TBCK: variants seen among roughly 807,000 people sequenced by gnomAD.
TBCK encodes TBC domain-containing protein kinase-like protein.
A neutral mutation model predicts 113.4 loss-of-function variants in TBCK; 99 were observed. The ratio of observed to expected loss-of-function variants is 0.87; its 90% CI spans 0.74 to 1.03. The LOEUF (loss-of-function observed/expected upper bound fraction) is 1.03, where lower values mean the gene tolerates loss of function less well. Among genes scored for constraint, TBCK ranks in the 50% least tolerant of loss-of-function variants. The pLI is 0.00. For synonymous variants in TBCK, 369 were observed against 370.8 expected (o/e 1.00, Z 0.05); for missense variants, 1,045 against 1,061.3 (o/e 0.98, Z 0.21).
At chr4:106,220,328 T>G (rs533817455) in intron 19 of TBCK, among the ~76,000 whole-genome samples, 8 of 152,332 alleles carry the variant, frequency 5.3e-5, no homozygotes, top group African/African-American at 1.4e-4. Flanking sequence ...GCCGCTGCCA[T>G]GTAAGAAGTG....
chr4:106,143,501 C>T (rs1747377623), intron 23 of TBCK, among the ~76,000 whole-genome samples: 1 of 152,156 alleles, frequency 6.6e-6, no homozygotes, highest in African/African-American at 2.4e-5. Flanking sequence ...AATATAGTGG[C>T]AAATTACCAT....
At chr4:106,093,953 T>C (rs987755059) in intron 25 of TBCK, among the ~76,000 whole-genome samples, 13 of 152,310 alleles carry the variant, frequency 8.5e-5, no homozygotes, top group African/African-American at 2.9e-4. Flanking sequence ...GTAACAAATG[T>C]ACCACTCTGA....
intron 2 of TBCK, among the ~76,000 whole-genome samples, chr4:106,301,935 A>G (rs1321569460): frequency 6.6e-6 from 1 of 152,210 alleles, no homozygotes; most frequent in Non-Finnish European, 1.5e-5. Flanking sequence ...TTCACTAAGG[A>G]GACTGTTCAT....
At chr4:106,217,716 A>G (rs963113126) in intron 19 of TBCK, among the ~76,000 whole-genome samples, 25 of 150,728 alleles carry the variant, frequency 1.7e-4, no homozygotes, top group African/African-American at 6.0e-4. Context: ...AGGAAATCAA[A>G]GAGGATACAA....
intron 23 of TBCK, among the ~76,000 whole-genome samples, chr4:106,139,324 C>T (rs1746917913): frequency 7.1e-6 from 1 of 141,690 alleles, no homozygotes; most frequent in South Asian, 2.4e-4. Context: ...ACTGTTATTG[C>T]CATGATTGAT....
At chr4:106,306,716 T>C (rs1225800438) in intron 2 of TBCK, among the ~76,000 whole-genome samples, 3 of 152,190 alleles carry the variant, frequency 2.0e-5, no homozygotes, top group African/African-American at 7.2e-5. Context: ...TTATTACTTT[T>C]GCTTCAAAGC....
intron 2 of TBCK, among the ~76,000 whole-genome samples, chr4:106,306,880 C>T (rs1349570485): frequency 6.6e-6 from 1 of 152,140 alleles, no homozygotes; most frequent in African/African-American, 2.4e-5. Context: ...TCAAAGTCAA[C>T]CTTGAACAGT....
At position 106,095,641 on chromosome 4, in the gene TBCK, G is replaced by A; in HGVS notation, c.2412C>T (p.Asp804=). 6.2e-7 allele frequency: 1 copy of A among 1,612,040 alleles called. No homozygotes were observed. Among genetic ancestry groups the A allele is most frequent in the Non-Finnish European group, 8.5e-7 (1 of 1,179,134 alleles). The change falls in exon 25 of 26, where the codon GAC becomes GAT. Residue 804 remains aspartate (D), a splice_region_variant and synonymous_variant. Coordinates refer to ENST00000394708, the MANE Select transcript of TBCK (RefSeq NM_001163435.3). Reference sequence around the variant, plus strand: ...TTCCTGAAATGTGACCACGAATAAAGCTGAGAAGGAAAGTTTAAGGAAAAC... The same window carrying A: ...TTCCTGAAATGTGACCACGAATAAAACTGAGAAGGAAAGTTTAAGGAAAAC... ...LLVVDIRNSE[D]FIRGHISGSI...
At chr4:106,248,494 A>G (rs1283702510) in intron 8 of TBCK, among the ~76,000 whole-genome samples, 188 bp from the exon 9 acceptor site, 2 of 152,190 alleles carry the variant, frequency 1.3e-5, no homozygotes, top group African/African-American at 4.8e-5. Flanking sequence ...ATAGCTTCCA[A>G]CTGGATCCCA....
At chr4:106,281,627 T>C (rs1764605351) in intron 3 of TBCK, among the ~76,000 whole-genome samples, 1 of 152,006 alleles carries the variant, frequency 6.6e-6, no homozygotes, top group Non-Finnish European at 1.5e-5. Context: ...CCATGAAGGG[T>C]TGTGGAATTT....
chr4:106,165,066 CA>C (rs753506787), intron 23 of TBCK, among the ~76,000 whole-genome samples: 5 of 151,502 alleles, frequency 3.3e-5, no homozygotes, highest in Admixed American at 6.6e-5. Context: ...AATTATTGCT[CA>C]TTTACATACT....
chr4:106,280,964 G>A (rs1459887649), intron 3 of TBCK, among the ~76,000 whole-genome samples: 2 of 152,100 alleles, frequency 1.3e-5, no homozygotes, highest in Non-Finnish European at 2.9e-5. Context: ...TGTAAAGAAT[G>A]TCATTGGTAT....
At chr4:106,241,398 T>C (rs769566897) in intron 12 of TBCK, among the ~76,000 whole-genome samples, 7 of 151,934 alleles carry the variant, frequency 4.6e-5, no homozygotes, top group South Asian at 2.1e-4. Flanking sequence ...TTATGATGAT[T>C]ATAAAAATCA....
intron 19 of TBCK, among the ~76,000 whole-genome samples, chr4:106,217,099 A>G (rs1156748007): frequency 2.6e-5 from 4 of 151,562 alleles, no homozygotes; most frequent in African/African-American, 9.7e-5. Flanking sequence ...GCATATAAAC[A>G]GAGCCAAAGA....
intron 6 of TBCK, 102 bp downstream of exon 6, chr4:106,251,764 T>C: frequency 9.2e-7 from 1 of 1,092,788 alleles, no homozygotes; most frequent in East Asian, 2.8e-5. Context: ...ATGTAATTAA[T>C]TTGTACAGCA....
intron 14 of TBCK, 73 bp from the exon 15 acceptor site, chr4:106,235,440 T>C (rs1759346384): frequency 2.1e-6 from 2 of 954,746 alleles, no homozygotes; most frequent in Non-Finnish European, 3.0e-6. Flanking sequence ...CAGTTCTGAA[T>C]ATACCCATGA....
intron 2 of TBCK, among the ~76,000 whole-genome samples, chr4:106,303,323 C>A (rs1348689882): frequency 6.6e-6 from 1 of 152,110 alleles, no homozygotes; most frequent in Admixed American, 6.5e-5. Flanking sequence ...TACACCAGTG[C>A]TTTTAAGCCC....
intron 24 of TBCK, among the ~76,000 whole-genome samples, chr4:106,113,230 C>T (rs1375509100): frequency 6.6e-6 from 1 of 152,150 alleles, no homozygotes; most frequent in African/African-American, 2.4e-5. Context: ...ATCCAACATT[C>T]CACAGGCATC....
chr4:106,189,727 T>G (rs974105578), intron 22 of TBCK, among the ~76,000 whole-genome samples: 2 of 152,198 alleles, frequency 1.3e-5, no homozygotes, highest in Admixed American at 1.3e-4. Flanking sequence ...AAATACTTAT[T>G]TCATTACTTC....
Sources: gnomAD v4.1 joint callset for allele counts (sites outside exome capture counted in the v4.1 genomes callset) on GRCh38, gnomAD v4.1.1 for gene constraint, MANE v1.5 for transcripts, NCBI Gene and HGNC (gene_info 2026-07-23, HGNC 2026-07-21) for gene names.